ZEB1: variants seen among roughly 807,000 people sequenced by gnomAD.
ZEB1 encodes the protein zinc finger E-box binding homeobox 1.
In ZEB1, 21 loss-of-function variants were observed where a neutral mutation model predicts 84.9. That is an observed-to-expected ratio of 0.25 (90% CI 0.18 to 0.36). The LOEUF is 0.36. ZEB1 is among the 10% of genes least tolerant of loss of function. The pLI is 1.00. For missense variants in ZEB1, 1,104 were observed against 1,330.2 expected, an observed-to-expected ratio of 0.83 and a Z score of 2.65; for synonymous variants, 420 against 471.1, an observed-to-expected ratio of 0.89 and a Z score of 1.41.
intron 8 of ZEB1, among the ~76,000 whole-genome samples, chr10:31,524,452 A>G (rs143271679): frequency 4.0e-3 from 607 of 151,920 alleles, no homozygotes; most frequent in Non-Finnish European, 6.5e-3. Flanking sequence ...CGAGCCATCT[A>G]CCCACCTCGG....
At chr10:31,488,226 A>C (rs779969095) in intron 2 of ZEB1, among the ~76,000 whole-genome samples, 2 of 151,058 alleles carry the variant, frequency 1.3e-5, no homozygotes, top group Non-Finnish European at 3.0e-5. Context: ...TAGGAGGAAG[A>C]TTTTCTAATT....
At chr10:31,422,182 A>T (rs889658017) in intron 1 of ZEB1, among the ~76,000 whole-genome samples, 1 of 152,166 alleles carries the variant, frequency 6.6e-6, no homozygotes, top group Admixed American at 6.6e-5. Context: ...TTTCATCTTG[A>T]AGCCCTGTAA....
At chr10:31,386,174 T>C (rs1002996177) in intron 1 of ZEB1, among the ~76,000 whole-genome samples, 1 of 151,984 alleles carries the variant, frequency 6.6e-6, no homozygotes, top group Non-Finnish European at 1.5e-5. Flanking sequence ...TGTATTAATA[T>C]TCTTCTTCTG....
chr10:31,396,988 A>G (rs2050847322), intron 1 of ZEB1, among the ~76,000 whole-genome samples: 1 of 150,370 alleles, frequency 6.7e-6, no homozygotes, highest in African/African-American at 2.4e-5. Context: ...AGCTCTCCTA[A>G]CTTAAAACTT....
At chr10:31,405,376 G>A (rs1430872548) in intron 1 of ZEB1, among the ~76,000 whole-genome samples, 2 of 152,060 alleles carry the variant, frequency 1.3e-5, no homozygotes, top group Non-Finnish European at 2.9e-5. Flanking sequence ...AAAACAATTG[G>A]TATTACAGAA....
chr10:31,357,099 T>C (rs1051683784), intron 1 of ZEB1, among the ~76,000 whole-genome samples: 7 of 152,148 alleles, frequency 4.6e-5, no homozygotes, highest in African/African-American at 1.7e-4. Flanking sequence ...AAAGTATTTC[T>C]AGGAAAAGTG....
At chr10:31,356,005 A>T (rs184074080) in intron 1 of ZEB1, among the ~76,000 whole-genome samples, 100 of 152,244 alleles carry the variant, frequency 6.6e-4, no homozygotes, top group African/African-American at 2.2e-3. Context: ...GCTGGAGAGA[A>T]GGGAATAGAT....
intron 4 of ZEB1, among the ~76,000 whole-genome samples, chr10:31,510,136 A>C (rs2069712606): frequency 6.6e-6 from 1 of 152,090 alleles, no homozygotes; most frequent in African/African-American, 2.4e-5. Flanking sequence ...GGCCACACCT[A>C]CCTGCAAGGG....
chr10:31,412,806 T>C (rs1191577920), intron 1 of ZEB1, among the ~76,000 whole-genome samples: 2 of 152,146 alleles, frequency 1.3e-5, no homozygotes, highest in African/African-American at 2.4e-5. Flanking sequence ...CCAACAGATA[T>C]CAGAAAGCAT....
At chr10:31,500,186 T>C (rs1259541582) in intron 3 of ZEB1, among the ~76,000 whole-genome samples, 2 of 152,048 alleles carry the variant, frequency 1.3e-5, no homozygotes, top group Non-Finnish European at 2.9e-5. Context: ...TCACATAAAA[T>C]ATTAATTTCA....
upstream of ZEB1, chr10:31,318,798 G>A (rs1006362715): frequency 8.2e-6 from 2 of 244,782 alleles, no homozygotes; most frequent in South Asian, 9.0e-5. Flanking sequence ...CGAGGGCACA[G>A]GGTACAGGGA....
rs1349372539 is a variant in ZEB1 at position 31,331,069 on chromosome 10, TTTTC to T, written c.58+11789_58+11792del. On this transcript the variant is annotated intron_variant, in intron 1 of 8. Transcript: ENST00000424869. ...GTCTTAAATTTCATTTTCTTTTCTT[TTTTC>T]TTTCTTTCTTTTTTTTTTTTTTTTT... 1.2e-3 allele frequency among the ~76,000 whole-genome samples: 175 copies of T among 144,748 alleles called. 8 individuals carry two copies. In the South Asian group the frequency reaches 0.013, roughly 11 times the overall value. The allele number at this position is 144,748 out of a possible 152,430, so 95.0% of individuals were successfully genotyped here.
chr10:31,331,714 G>A (rs1382494046), intron 1 of ZEB1, among the ~76,000 whole-genome samples: 1 of 152,114 alleles, frequency 6.6e-6, no homozygotes, highest in African/African-American at 2.4e-5. Context: ...TATCCTAGTG[G>A]AAAATAATAT....
intron 1 of ZEB1, among the ~76,000 whole-genome samples, chr10:31,435,026 A>G (rs1294466341): frequency 6.6e-6 from 1 of 152,228 alleles, no homozygotes; most frequent in Admixed American, 6.5e-5. Flanking sequence ...TGAATATGTT[A>G]CATTACTTAA....
chr10:31,409,433 G>A (rs577990564), intron 1 of ZEB1, among the ~76,000 whole-genome samples: 1 of 152,196 alleles, frequency 6.6e-6, no homozygotes, highest in African/African-American at 2.4e-5. Context: ...ATAGTTTGAA[G>A]TCAGGTAGCA....
chr10:31,321,471 G>T (rs2034027314), intron 1 of ZEB1: 1 of 1,614,022 alleles, frequency 6.2e-7, no homozygotes, highest in Non-Finnish European at 8.5e-7. Flanking sequence ...CTGTTTTAGC[G>T]TCAAATAGTG....
chr10:31,518,210 C>T (rs970938826), intron 6 of ZEB1, among the ~76,000 whole-genome samples: 2 of 152,194 alleles, frequency 1.3e-5, no homozygotes, highest in Admixed American at 1.3e-4. Context: ...AGAATTGAAT[C>T]CTATTCCAGG....
intron 3 of ZEB1, among the ~76,000 whole-genome samples, chr10:31,498,097 A>C (rs2067537970): frequency 6.6e-6 from 1 of 152,104 alleles, no homozygotes; most frequent in African/African-American, 2.4e-5. Flanking sequence ...ATTACCTTTT[A>C]TGCTGTGTAT....
chr10:31,519,527 C>T (rs1015167113), intron 6 of ZEB1, among the ~76,000 whole-genome samples: 5 of 152,180 alleles, frequency 3.3e-5, no homozygotes, highest in Non-Finnish European at 7.3e-5. Context: ...TTGATACCCA[C>T]TACAGTGTTT....
Sources: gnomAD v4.1 joint callset for allele counts (sites outside exome capture counted in the v4.1 genomes callset) on GRCh38, gnomAD v4.1.1 for gene constraint, MANE v1.5 for transcripts, NCBI Gene and HGNC (gene_info 2026-07-23, HGNC 2026-07-21) for gene names.